PARG: variants seen among roughly 807,000 people sequenced by gnomAD.
The protein encoded by PARG is poly(ADP-ribose) glycohydrolase.
In PARG, 35 loss-of-function variants were observed where a neutral mutation model predicts 113.0. The ratio of observed to expected loss-of-function variants is 0.31; its 90% CI spans 0.24 to 0.41. The LOEUF is 0.41. PARG is among the 10% of genes least tolerant of loss of function. PARG has a pLI of 1.00. For synonymous variants in PARG, 330 were observed against 409.9 expected, an observed-to-expected ratio of 0.81 and a Z score of 2.36; for missense variants, 797 against 1,169.4, an observed-to-expected ratio of 0.68 and a Z score of 4.64.
intron 1 of PARG, among the ~76,000 whole-genome samples, chr10:49,936,985 A>G (rs1838777046): frequency 1.3e-5 from 2 of 152,204 alleles, no homozygotes; most frequent in African/African-American, 4.8e-5. Context: ...GTAATCACGC[A>G]TAGTGATTTC....
In PARG at chr10:49,941,933, A is replaced by C; in HGVS notation, c.-208T>G. 1.0e-6 allele frequency: 1 copy of C among 999,804 alleles called. No homozygotes were observed. Among genetic ancestry groups the C allele is most frequent in the East Asian group, 2.6e-5 (1 of 38,472 alleles). 61.9% of individuals were successfully genotyped at this position (999,804 alleles called of 1,614,324 possible). A position where few individuals can be genotyped will look rare whatever the true frequency, so the allele number is the denominator to read the frequency against. Reference sequence around the variant, plus strand: ...GCCTTCCCTCTTCCACTGGCACCCCACCTGCCTCAATGCGCCGCTTTGATT... The same window carrying C: ...GCCTTCCCTCTTCCACTGGCACCCCCCCTGCCTCAATGCGCCGCTTTGATT... On this transcript the variant is annotated 5_prime_UTR_variant, in exon 1 of 18. Coordinates refer to ENST00000616448, the MANE Select transcript of PARG (RefSeq NM_003631.5).
chr10:49,851,903 A>G (rs1554834260), intron 13 of PARG, among the ~76,000 whole-genome samples: 2 of 150,408 alleles, frequency 1.3e-5, no homozygotes, highest in African/African-American at 4.9e-5. Context: ...AAACAGAGGG[A>G]TAACACTGTC....
At chr10:49,916,935 A>G (rs1307187086) in intron 6 of PARG, among the ~76,000 whole-genome samples, 9 of 152,088 alleles carry the variant, frequency 5.9e-5, no homozygotes, top group African/African-American at 2.2e-4. Flanking sequence ...TTATCATTGA[A>G]TAAGTTTTTA....
rs2133032389 is a variant in PARG at position 49,941,875 on chromosome 10, C to T, written c.-150G>A. 1 of 1,403,158 alleles carries T rather than the reference C, an allele frequency of 7.1e-7. No individual in the cohort carries two copies. The highest frequency in any genetic ancestry group is 9.7e-7 in the Non-Finnish European group (1 of 1,025,738). 86.9% of individuals were successfully genotyped at this position (1,403,158 alleles called of 1,614,324 possible). ...CCTGCTTCTGCAATTGCTGATCCGCCGGCCTCCCAAGTCAGGCCGTAAACA... is the reference window on the plus strand; with the variant it reads ...CCTGCTTCTGCAATTGCTGATCCGCTGGCCTCCCAAGTCAGGCCGTAAACA... On this transcript the variant is annotated 5_prime_UTR_variant, in exon 1 of 18. Coordinates refer to ENST00000616448, the MANE Select transcript of PARG (RefSeq NM_003631.5).
At chr10:49,821,027 C>T (rs1844048562) in intron 16 of PARG, among the ~76,000 whole-genome samples, 1 of 152,170 alleles carries the variant, frequency 6.6e-6, no homozygotes, top group Non-Finnish European at 1.5e-5. Context: ...CTTAATCCCA[C>T]AGCAGGAGTT....
chr10:49,834,127 A>G (rs181780839), intron 15 of PARG, among the ~76,000 whole-genome samples: 4 of 152,340 alleles, frequency 2.6e-5, no homozygotes, highest in Non-Finnish European at 5.9e-5. Flanking sequence ...AATTACCTGC[A>G]TAGTCAGATG....
At chr10:49,920,643 C>CGTATATATAT (rs1588993289) in intron 6 of PARG, among the ~76,000 whole-genome samples, 1 of 146,884 alleles carries the variant, frequency 6.8e-6, no homozygotes, top group Admixed American at 6.8e-5. Flanking sequence ...TATATATACA[C>CGTATATATAT]ATATACGTAT....
intron 7 of PARG, chr10:49,909,487 A>G (rs1257202588): frequency 1.3e-5 from 2 of 152,482 alleles, no homozygotes; most frequent in South Asian, 4.1e-4. Flanking sequence ...GTATAATAAT[A>G]CATGCCTCAA....
At chr10:49,895,864 G>GT (rs1212858670) in intron 7 of PARG, among the ~76,000 whole-genome samples, 1 of 151,974 alleles carries the variant, frequency 6.6e-6, no homozygotes, top group Non-Finnish European at 1.5e-5. Context: ...GTATTTTATG[G>GT]TTTTTTAAAG....
intron 6 of PARG, among the ~76,000 whole-genome samples, chr10:49,917,381 C>T (rs377240749): frequency 3.7e-3 from 543 of 148,606 alleles, no homozygotes; most frequent in Non-Finnish European, 5.8e-3. Context: ...CCCAGCTACT[C>T]GGGAGGCTGA....
intron 7 of PARG, chr10:49,908,579 C>T (rs1446108985): frequency 6.6e-6 from 1 of 152,148 alleles, no homozygotes. Context: ...TCTTATGAAA[C>T]ATTTAAGGCT....
chr10:49,914,525 G>T (rs1837360232), intron 7 of PARG, among the ~76,000 whole-genome samples: 1 of 152,232 alleles, frequency 6.6e-6, no homozygotes, highest in Admixed American at 6.5e-5. Flanking sequence ...TGCAGAATTA[G>T]TTTGGATTCT....
intron 1 of PARG, among the ~76,000 whole-genome samples, chr10:49,940,008 A>C (rs1438692178): frequency 2.0e-5 from 3 of 152,158 alleles, no homozygotes; most frequent in Non-Finnish European, 2.9e-5. Flanking sequence ...CTACTCTTAA[A>C]CTTTGGTGTT....
intron 7 of PARG, among the ~76,000 whole-genome samples, chr10:49,887,720 TTTGG>T (rs1847567102): frequency 6.6e-6 from 1 of 152,176 alleles, no homozygotes. Context: ...TGAGAGGCAC[TTTGG>T]TTGTTTTCAG....
At chr10:49,898,840 T>A (rs1350576825) in intron 7 of PARG, among the ~76,000 whole-genome samples, 1 of 151,926 alleles carries the variant, frequency 6.6e-6, no homozygotes, top group South Asian at 2.1e-4. Context: ...TCTATCCAAA[T>A]TTACTCTCCA....
intron 7 of PARG, among the ~76,000 whole-genome samples, chr10:49,887,198 C>G (rs777133966): frequency 6.6e-6 from 1 of 151,970 alleles, no homozygotes; most frequent in Non-Finnish European, 1.5e-5. Flanking sequence ...ACTATACAGG[C>G]CTTTTTGCTT....
chr10:49,857,251 C>G (rs573044899), intron 13 of PARG, 55 bp downstream of exon 13: 1 of 680,868 alleles, frequency 1.5e-6, no homozygotes, highest in South Asian at 1.7e-5. Context: ...GTCTTCATGA[C>G]AGATATTCAC....
intron 16 of PARG, among the ~76,000 whole-genome samples, chr10:49,823,146 A>C (rs963581578): frequency 2.6e-5 from 4 of 152,220 alleles, no homozygotes; most frequent in South Asian, 2.1e-4. Flanking sequence ...TTATTCTTAA[A>C]TACAAATTGA....
At position 49,853,120 on chromosome 10, in the gene PARG, G is replaced by A. The variant is rs553178982; in HGVS notation, c.2353+4186C>T. On this transcript the variant is annotated intron_variant, in intron 13 of 17. Transcript: ENST00000616448. ...GTGATCTCGGCTCACTGCAAGCTCCGCCTCCTGGGTTCACGCCATTCTCCT... is the reference window on the plus strand; with the variant it reads ...GTGATCTCGGCTCACTGCAAGCTCCACCTCCTGGGTTCACGCCATTCTCCT... 1.6e-4 allele frequency among the ~76,000 whole-genome samples: 23 copies of A among 140,974 alleles called. 1 individual carries two copies. The East Asian group carries it at 3.2e-3, about 20-fold the overall frequency. The allele number at this position is 140,974 out of a possible 152,430, so 92.5% of individuals were successfully genotyped here.
Sources: allele counts gnomAD v4.1 joint callset (sites outside exome capture counted in the v4.1 genomes callset), GRCh38; gene constraint gnomAD v4.1.1; transcripts MANE v1.5; gene names NCBI Gene and HGNC (gene_info 2026-07-23, HGNC 2026-07-21).